SH3D19: variants seen among roughly 807,000 people sequenced by gnomAD.
The protein encoded by SH3D19 is SH3 domain-containing protein 19.
A neutral mutation model predicts 112.1 loss-of-function variants in SH3D19; 58 were observed. The observed-to-expected ratio is 0.52, with a 90% confidence interval of 0.42 to 0.64. The LOEUF is 0.64. SH3D19 is among the 30% of genes least tolerant of loss of function. The pLI is 0.00. For missense variants in SH3D19, 1,090 were observed against 1,263.4 expected, an observed-to-expected ratio of 0.86 and a Z score of 2.08; for synonymous variants, 391 against 448.5, an observed-to-expected ratio of 0.87 and a Z score of 1.62.
At chr4:151,260,943 T>G (rs1772331453) in intron 1 of SH3D19, among the ~76,000 whole-genome samples, 1 of 152,192 alleles carries the variant, frequency 6.6e-6, no homozygotes, top group South Asian at 2.1e-4. Context: ...CCGCTTCCTT[T>G]ACTCTCTACT....
At chr4:151,211,322 C>T (rs962509674) in intron 2 of SH3D19, among the ~76,000 whole-genome samples, 1 of 151,668 alleles carries the variant, frequency 6.6e-6, no homozygotes, top group African/African-American at 2.4e-5. Context: ...TGTGTGTGTT[C>T]TGACTGTTCC....
chr4:151,174,135 T>C (rs1023022416), intron 7 of SH3D19, among the ~76,000 whole-genome samples: 24 of 152,204 alleles, frequency 1.6e-4, no homozygotes, highest in African/African-American at 4.6e-4. Flanking sequence ...CCTCATTCCG[T>C]ACATTTTCGA....
chr4:151,230,895 A>G (rs1769556685), intron 1 of SH3D19, among the ~76,000 whole-genome samples: 2 of 152,054 alleles, frequency 1.3e-5, no homozygotes, highest in Non-Finnish European at 2.9e-5. Flanking sequence ...TCCATCTTAT[A>G]TCTCATCTTG....
chr4:151,179,209 A>G (rs982356770), intron 4 of SH3D19, 146 bp downstream of exon 4: 6 of 435,694 alleles, frequency 1.4e-5, no homozygotes, highest in East Asian at 3.6e-5. Flanking sequence ...TTTCAAACTT[A>G]TAAGTTAATT....
chr4:151,226,302 C>A (rs1768990209), intron 1 of SH3D19: 18 of 1,200,380 alleles, frequency 1.5e-5, no homozygotes, highest in Non-Finnish European at 1.9e-5. Context: ...TTGTTAAAAT[C>A]ATCTACTTGG....
intron 7 of SH3D19, among the ~76,000 whole-genome samples, chr4:151,167,648 T>C (rs1758279648): frequency 6.6e-6 from 1 of 152,166 alleles, no homozygotes; most frequent in South Asian, 2.1e-4. Flanking sequence ...TTTTACGGCT[T>C]CCGCCCTGTC....
chr4:151,310,588 T>A (rs1364459489), intron 1 of SH3D19, among the ~76,000 whole-genome samples: 2 of 151,874 alleles, frequency 1.3e-5, no homozygotes, highest in Non-Finnish European at 2.9e-5. Flanking sequence ...CTCTTTTTTT[T>A]TTTTTTAGAC....
intron 17 of SH3D19, 26 bp downstream of exon 17, chr4:151,132,305 T>C (rs1750892647): frequency 6.2e-7 from 1 of 1,607,806 alleles, no homozygotes. Flanking sequence ...TGGCTGTCAC[T>C]ATAGTCATCT....
chr4:151,187,360 A>T, intron 3 of SH3D19, 63 bp downstream of exon 3: 1 of 994,574 alleles, frequency 1.0e-6, no homozygotes, highest in Non-Finnish European at 1.3e-6. Context: ...ACCTGCTGGA[A>T]ATCTAAATCA....
chr4:151,223,936 A>G (rs918151613), intron 2 of SH3D19, among the ~76,000 whole-genome samples: 1 of 152,114 alleles, frequency 6.6e-6, no homozygotes, highest in Non-Finnish European at 1.5e-5. Context: ...TAAGGTCTCC[A>G]TGTGGTATCT....
At chr4:151,123,897 C>G (rs1421326240) in intron 19 of SH3D19, among the ~76,000 whole-genome samples, 1 of 152,008 alleles carries the variant, frequency 6.6e-6, no homozygotes, top group Non-Finnish European at 1.5e-5. Context: ...TGATTTAAGG[C>G]TTTTCTTTAT....
chr4:151,272,812 C>G (rs955561216), intron 1 of SH3D19, among the ~76,000 whole-genome samples: 2 of 149,946 alleles, frequency 1.3e-5, no homozygotes, highest in African/African-American at 4.9e-5. Context: ...CATCAGGAGG[C>G]ACATGTCTGC....
At chr4:151,182,239 T>C (rs906049266) in intron 3 of SH3D19, among the ~76,000 whole-genome samples, 12 of 152,148 alleles carry the variant, frequency 7.9e-5, no homozygotes, top group Admixed American at 5.9e-4. Flanking sequence ...TCCGCCCACC[T>C]TGGCCTCCTA....
intron 4 of SH3D19, among the ~76,000 whole-genome samples, chr4:151,178,937 C>T (rs533330957): frequency 6.6e-6 from 1 of 152,238 alleles, no homozygotes; most frequent in African/African-American, 2.4e-5. Context: ...TTCCAAAAAG[C>T]CATCCAGGCT....
In SH3D19 at chr4:151,150,336, T is replaced by TAC. The variant is rs201465963; in HGVS notation, c.1756-777_1756-776dup. On this transcript the variant is annotated intron_variant, in intron 9 of 19. Transcript: ENST00000604030. ...ATATATATATACATATATATATATA[T>TAC]ACACACACATATATATATATACATG... Among the ~76,000 whole-genome samples the TAC allele has an allele frequency of 5.5e-3, 781 of 141,386 alleles. 3 individuals are homozygous for TAC. The highest frequency in any genetic ancestry group is 9.2e-3 in the Non-Finnish European group (603 of 65,198). 92.8% of individuals were successfully genotyped at this position (141,386 alleles called of 152,430 possible). A position where few individuals can be genotyped will look rare whatever the true frequency, so the allele number is the denominator to read the frequency against.
At chr4:151,257,704 T>C (rs1368743247) in intron 1 of SH3D19, among the ~76,000 whole-genome samples, 1 of 151,816 alleles carries the variant, frequency 6.6e-6, no homozygotes, top group Non-Finnish European at 1.5e-5. Context: ...ATTGCTTGAG[T>C]CCTGGAGTTT....
At chr4:151,197,148 T>A (rs1763593812) in intron 2 of SH3D19, among the ~76,000 whole-genome samples, 3 of 152,082 alleles carry the variant, frequency 2.0e-5, no homozygotes, top group Non-Finnish European at 4.4e-5. Context: ...CTCCTGGGTA[T>A]CTACCTAGGT....
At chr4:151,246,833 T>C (rs959885117) in intron 1 of SH3D19, among the ~76,000 whole-genome samples, 5 of 152,228 alleles carry the variant, frequency 3.3e-5, no homozygotes, top group Admixed American at 3.3e-4. Flanking sequence ...TTGTTTTATT[T>C]ATTCTGCTTA....
chr4:151,253,132 C>T (rs1479902998), intron 1 of SH3D19, among the ~76,000 whole-genome samples: 6 of 152,238 alleles, frequency 3.9e-5, no homozygotes, highest in African/African-American at 2.4e-5. Context: ...CCGAAGTCCT[C>T]ACAATAGCCT....
Sources: allele counts gnomAD v4.1 joint callset (sites outside exome capture counted in the v4.1 genomes callset), GRCh38; gene constraint gnomAD v4.1.1; transcripts MANE v1.5; gene names NCBI Gene and HGNC (gene_info 2026-07-23, HGNC 2026-07-21).